The following RABGAP1L variants were observed in gnomAD, a reference collection of about 807,000 sequenced individuals.
RABGAP1L encodes RAB GTPase activating protein 1 like.
Under a neutral mutation model 137.7 loss-of-function variants are expected in RABGAP1L, and 63 were observed. The ratio of observed to expected loss-of-function variants is 0.46; its 90% CI spans 0.37 to 0.56. RABGAP1L has a LOEUF of 0.56. Ranked by LOEUF, RABGAP1L falls within the 20% of genes least tolerant of loss-of-function variation. RABGAP1L has a pLI of 0.00. For missense variants in RABGAP1L, 1,095 were observed against 1,244.0 expected (o/e 0.88, Z 1.80); for synonymous variants, 431 against 433.7 (o/e 0.99, Z 0.08).
chr1:174,891,797 A>G (rs1656188246), intron 19 of RABGAP1L, among the ~76,000 whole-genome samples: 1 of 152,142 alleles, frequency 6.6e-6, no homozygotes, highest in South Asian at 2.1e-4. Context: ...GAGCCACCAC[A>G]CTCAGCCTTT....
intron 18 of RABGAP1L, among the ~76,000 whole-genome samples, chr1:174,807,134 T>G (rs1175734372): frequency 6.6e-6 from 1 of 152,190 alleles, no homozygotes; most frequent in African/African-American, 2.4e-5. Flanking sequence ...GTGATTCAAA[T>G]TTTGTTAAAT....
intron 14 of RABGAP1L, among the ~76,000 whole-genome samples, chr1:174,660,581 A>C (rs1676301688): frequency 6.6e-6 from 1 of 152,186 alleles, no homozygotes; most frequent in South Asian, 2.1e-4. Context: ...TTTAGTATTA[A>C]AGCCTACATT....
intron 19 of RABGAP1L, among the ~76,000 whole-genome samples, chr1:174,846,162 C>G (rs1694026137): frequency 6.6e-6 from 1 of 150,636 alleles, no homozygotes; most frequent in Non-Finnish European, 1.5e-5. Context: ...TTTTGTTGAT[C>G]CTTTCAAAAA....
chr1:174,606,041 A>C (rs575715894), intron 13 of RABGAP1L, among the ~76,000 whole-genome samples: 18 of 152,168 alleles, frequency 1.2e-4, no homozygotes, highest in Admixed American at 3.9e-4. Flanking sequence ...TATTCTTCTT[A>C]GTGCCTCAGA....
Position 174,988,675 on chromosome 1 carries a change from T to C in RABGAP1L, c.2840T>C (p.Ile947Thr). 6.5e-7 allele frequency: 1 copy of C among 1,548,244 alleles called. No individual in the cohort carries two copies. The highest frequency in any genetic ancestry group is 8.7e-7 in the Non-Finnish European group (1 of 1,145,954). Residue 947 changes from isoleucine to threonine, a missense_variant, in exon 25 of 26, where the codon ATT (isoleucine) becomes ACT (threonine). Ile to Thr is a moderately conservative substitution (Grantham distance 89, BLOSUM62 -1). Transcript: ENST00000681986. Reference sequence around the variant, plus strand: ...ATGGCATGCAAACACTGCAGTGACATTTTCAGCAAGGAGGGTGCTTTGAAA... The same window carrying C: ...ATGGCATGCAAACACTGCAGTGACACTTTCAGCAAGGAGGGTGCTTTGAAA... ...KMMACKHCSDIFSKEGALKLA... is the reference protein window; with the variant it reads ...KMMACKHCSDTFSKEGALKLA...
chr1:174,885,839 C>T (rs1455328733), intron 19 of RABGAP1L, among the ~76,000 whole-genome samples: 2 of 151,756 alleles, frequency 1.3e-5, no homozygotes, highest in Non-Finnish European at 2.9e-5. Flanking sequence ...TGGTGGCGGG[C>T]GCCTGTAGTC....
intron 19 of RABGAP1L, chr1:174,875,577 A>G (rs895586766): frequency 3.3e-5 from 33 of 985,302 alleles, no homozygotes; most frequent in Non-Finnish European, 3.9e-5. Flanking sequence ...AGCAAAGAAA[A>G]ATATGAAAGC....
At chr1:174,929,753 A>AAAATAAATAAATAAATAAAT (rs61539169) in intron 19 of RABGAP1L, among the ~76,000 whole-genome samples, 16 of 140,794 alleles carry the variant, frequency 1.1e-4, no homozygotes, top group Non-Finnish European at 1.8e-4. Context: ...GTCTCTACAA[A>AAAATAAATAAATAAATAAAT]AAATAAATAA....
chr1:174,988,848 T>G lies in RABGAP1L; in HGVS notation c.3003+10T>G. 6.5e-7 allele frequency: 1 copy of G among 1,533,550 alleles called. No individual in the cohort carries two copies. Among genetic ancestry groups the G allele is most frequent in the Non-Finnish European group, 8.8e-7 (1 of 1,139,558 alleles). The allele number at this position is 1,533,550 out of a possible 1,614,324, so 95.0% of individuals were successfully genotyped here. Reference sequence around the variant, plus strand: ...CAAGTGTAAAATTCAGGTTGGTGATTTGATAAAAGAACAAGAAGAAAGAAT... The same window carrying G: ...CAAGTGTAAAATTCAGGTTGGTGATGTGATAAAAGAACAAGAAGAAAGAAT... On this transcript the variant is annotated intron_variant, in intron 25 of 25. Coordinates refer to ENST00000681986, the MANE Select transcript of RABGAP1L (RefSeq NM_001366446.1).
chr1:174,616,485 A>G (rs1024814095), intron 13 of RABGAP1L, among the ~76,000 whole-genome samples: 2 of 152,198 alleles, frequency 1.3e-5, no homozygotes, highest in Non-Finnish European at 2.9e-5. Context: ...AGTCTCAGGC[A>G]CCAGGGAAAC....
intron 19 of RABGAP1L, among the ~76,000 whole-genome samples, chr1:174,816,523 A>G (rs1690432910): frequency 6.6e-6 from 1 of 152,028 alleles, no homozygotes; most frequent in Non-Finnish European, 1.5e-5. Flanking sequence ...TTTTCTACAT[A>G]TTTTTATTCA....
At chr1:174,701,282 G>A in intron 16 of RABGAP1L, 1 of 1,129,460 alleles carries the variant, frequency 8.9e-7, no homozygotes, top group South Asian at 1.8e-5. Flanking sequence ...TTATACCTTT[G>A]CATAATTTCT....
At chr1:174,868,604 CAT>C (rs1651685121) in intron 19 of RABGAP1L, among the ~76,000 whole-genome samples, 1 of 152,186 alleles carries the variant, frequency 6.6e-6, no homozygotes, top group Admixed American at 6.5e-5. Context: ...TTTATTTTCA[CAT>C]GATAGCCCAT....
chr1:174,918,122 A>G (rs1297214353), intron 19 of RABGAP1L, among the ~76,000 whole-genome samples: 1 of 90,878 alleles, frequency 1.1e-5, no homozygotes, highest in East Asian at 3.2e-4. Flanking sequence ...TATAATTTAG[A>G]ACTATTATGA....
chr1:174,286,893 A>T (rs1011831315), intron 10 of RABGAP1L, among the ~76,000 whole-genome samples: 10 of 152,152 alleles, frequency 6.6e-5, no homozygotes, highest in Non-Finnish European at 7.4e-5. Context: ...TTGTGGTCAG[A>T]AAAGATACAT....
chr1:174,968,651 A>G (rs1447271751), intron 20 of RABGAP1L, among the ~76,000 whole-genome samples: 2 of 152,076 alleles, frequency 1.3e-5, no homozygotes, highest in African/African-American at 4.8e-5. Flanking sequence ...GAAATTTTTT[A>G]AAAAACAAAA....
At chr1:174,677,350 A>G (rs759203598) in intron 14 of RABGAP1L, among the ~76,000 whole-genome samples, 87 of 152,328 alleles carry the variant, frequency 5.7e-4, no homozygotes, top group Middle Eastern at 3.4e-3. Flanking sequence ...AACTTATAAT[A>G]AACCATTGAT....
intron 13 of RABGAP1L, among the ~76,000 whole-genome samples, chr1:174,580,617 C>T (rs1668670365): frequency 6.6e-6 from 1 of 151,994 alleles, no homozygotes; most frequent in Non-Finnish European, 1.5e-5. Context: ...ACATCACACA[C>T]CGGGGCCTGC....
chr1:174,376,099 G>A (rs1417753279), intron 12 of RABGAP1L, among the ~76,000 whole-genome samples: 1 of 148,694 alleles, frequency 6.7e-6, no homozygotes, highest in East Asian at 2.0e-4. Flanking sequence ...GTAAAGAAAA[G>A]GAAAGAAGGA....
Sources: gnomAD v4.1 joint callset for allele counts (sites outside exome capture counted in the v4.1 genomes callset) on GRCh38, gnomAD v4.1.1 for gene constraint, MANE v1.5 for transcripts, NCBI Gene and HGNC (gene_info 2026-07-23, HGNC 2026-07-21) for gene names.